ARMC2: variants seen among roughly 807,000 people sequenced by gnomAD.
ARMC2 encodes armadillo repeat-containing protein 2.
A neutral mutation model predicts 90.3 loss-of-function variants in ARMC2; 67 were observed. The observed-to-expected ratio is 0.74, with a 90% CI of 0.61 to 0.91. The LOEUF (loss-of-function observed/expected upper bound fraction) is 0.91. Among genes scored for constraint, ARMC2 ranks in the 40% least tolerant of loss-of-function variants. The pLI is 0.00. For missense variants in ARMC2, 920 were observed against 1,030.9 expected, an observed-to-expected ratio of 0.89 and a Z score of 1.47; for synonymous variants, 393 against 393.0, an observed-to-expected ratio of 1.00 and a Z score of 0.00.
the ARMC2 span, chr6:109,000,365 G>A: frequency 1.6e-6 from 1 of 619,556 alleles, no homozygotes; most frequent in African/African-American, 1.9e-5. Flanking sequence ...ATGTGCATCT[G>A]TGGGAAGAGA....
chr6:108,888,544 C>T (rs1266816871), intron 5 of ARMC2, among the ~76,000 whole-genome samples: 3 of 152,194 alleles, frequency 2.0e-5, no homozygotes, highest in African/African-American at 7.2e-5. Context: ...ATTAGTAGAA[C>T]GAAGACCAAT....
At chr6:108,957,112 T>C (rs2128508087) in intron 13 of ARMC2, among the ~76,000 whole-genome samples, 1 of 152,364 alleles carries the variant, frequency 6.6e-6, no homozygotes, top group African/African-American at 2.4e-5. Context: ...AACCCTGCTC[T>C]CCTGTGATGG....
At chr6:109,019,780 A>C in the ARMC2 span, among the ~76,000 whole-genome samples, 1 of 152,248 alleles carries the variant, frequency 6.6e-6, no homozygotes, top group South Asian at 2.1e-4. Flanking sequence ...CAGGTTTTAA[A>C]ATAATGCATT....
rs542183253 is a variant in ARMC2, at chr6:108,973,581, C to T, written c.*67C>T. ...CTCATTCTTAAGAACTGGTAACAAA[C>T]GTGAACATTTTTTTCAGCATTAACA... On this transcript the variant is annotated 3_prime_UTR_variant, in exon 18 of 18. Transcript: ENST00000392644. 2.0e-4 allele frequency: 286 copies of T among 1,410,086 alleles called. 3 individuals are homozygous for T. In the African/African-American group the frequency reaches 3.6e-3, roughly 18 times the overall value. The allele number at this position is 1,410,086 out of a possible 1,614,324, so 87.3% of individuals were successfully genotyped here. A position where few individuals can be genotyped will look rare whatever the true frequency, so the allele number is the denominator to read the frequency against.
At position 108,973,460 on chromosome 6, in the gene ARMC2, C is replaced by T. The variant is rs199687592; in HGVS notation, c.2550C>T (p.Asn850=). 9.3e-6 allele frequency: 15 copies of T among 1,613,720 alleles called. No homozygotes were observed. The highest frequency in any genetic ancestry group is 1.3e-5 in the Non-Finnish European group (15 of 1,179,794). ...EFKPVAQQLL[N]RIQRHHTFLE... is the part of the protein sequence containing the mutation. ...AACCTGTGGCACAGCAGCTTCTAAA[C>T]CGAATTCAGAGACATCACACCTTCC... is the stretch of plus-strand genomic sequence containing the variant. The change falls in exon 18 of 18, where the codon AAC becomes AAT. Residue 850 remains asparagine, a synonymous_variant. Coordinates refer to ENST00000392644, the MANE Select transcript of ARMC2 (RefSeq NM_032131.6).
At chr6:108,997,089 T>C in the ARMC2 span, among the ~76,000 whole-genome samples, 3 of 152,148 alleles carry the variant, frequency 2.0e-5, no homozygotes, top group Non-Finnish European at 2.9e-5. Context: ...CTGAGTCAGA[T>C]ACTGGATATG....
At chr6:109,006,047 T>C in the ARMC2 span, among the ~76,000 whole-genome samples, 13 of 152,192 alleles carry the variant, frequency 8.5e-5, no homozygotes, top group African/African-American at 3.1e-4. Flanking sequence ...AAAAAGCAAC[T>C]AGGGCTCATG....
intron 2 of ARMC2, among the ~76,000 whole-genome samples, chr6:108,855,957 T>G (rs189073925): frequency 1.1e-3 from 160 of 152,356 alleles, no homozygotes; most frequent in African/African-American, 3.6e-3. Context: ...TAACAATTCA[T>G]TATCTTACAT....
At chr6:109,009,566 G>A in the ARMC2 span, 1 of 1,108,988 alleles carries the variant, frequency 9.0e-7, no homozygotes, top group Non-Finnish European at 1.1e-6. Flanking sequence ...GGGGGGGCGG[G>A]GCGGCGCCGA....
At chr6:108,863,340 C>T (rs912657758) in intron 3 of ARMC2, among the ~76,000 whole-genome samples, 3 of 152,274 alleles carry the variant, frequency 2.0e-5, no homozygotes, top group Admixed American at 2.0e-4. Flanking sequence ...ACCTTGGCCT[C>T]CTAGAGTGCT....
chr6:108,849,341 A>C (rs975131139), intron 1 of ARMC2, among the ~76,000 whole-genome samples: 3 of 152,176 alleles, frequency 2.0e-5, no homozygotes. Context: ...GGCATAGCTG[A>C]TATTCAATAA....
intron 6 of ARMC2, among the ~76,000 whole-genome samples, chr6:108,895,379 G>A (rs2128458109): frequency 6.6e-6 from 1 of 150,900 alleles, no homozygotes; most frequent in South Asian, 2.1e-4. Context: ...AACTACTTGG[G>A]AGGCTGAGGC....
the ARMC2 span, among the ~76,000 whole-genome samples, chr6:109,039,690 C>T: frequency 2.4e-4 from 36 of 152,294 alleles, 1 homozygote; most frequent in African/African-American, 6.5e-4. Flanking sequence ...ACCCAAATGG[C>T]GAAATGAGTT....
At chr6:108,930,472 T>G (rs1389910116) in intron 11 of ARMC2, among the ~76,000 whole-genome samples, 3 of 152,176 alleles carry the variant, frequency 2.0e-5, no homozygotes, top group Non-Finnish European at 4.4e-5. Context: ...GGAAATATTT[T>G]CATGGTTTCA....
intron 5 of ARMC2, among the ~76,000 whole-genome samples, chr6:108,888,021 G>A (rs958123399): frequency 1.3e-5 from 2 of 152,280 alleles, no homozygotes; most frequent in South Asian, 2.1e-4. Context: ...CCACCAAACC[G>A]CTAATGTCAT....
intron 5 of ARMC2, among the ~76,000 whole-genome samples, chr6:108,887,678 G>C (rs1282839613): frequency 6.6e-6 from 1 of 152,190 alleles, no homozygotes; most frequent in Admixed American, 6.5e-5. Context: ...TGTCGATCAA[G>C]ATATCATAAA....
chr6:108,944,790 TG>T (rs143916287), intron 12 of ARMC2, among the ~76,000 whole-genome samples: 2,474 of 152,232 alleles, frequency 0.016, 74 homozygotes, highest in African/African-American at 0.058. Flanking sequence ...TCCATCTGTA[TG>T]TGATGGTTAT....
At chr6:108,933,775 C>T (rs945395453) in intron 11 of ARMC2, among the ~76,000 whole-genome samples, 2 of 152,206 alleles carry the variant, frequency 1.3e-5, no homozygotes, top group East Asian at 1.9e-4. Context: ...CAGCTTTTGC[C>T]CATTTAGTAT....
chr6:109,027,224 G>A, the ARMC2 span, among the ~76,000 whole-genome samples: 1 of 151,936 alleles, frequency 6.6e-6, no homozygotes, highest in Non-Finnish European at 1.5e-5. Context: ...TGTAATCCCA[G>A]CACTTTGGGT....
Sources: gnomAD v4.1 joint callset for allele counts (sites outside exome capture counted in the v4.1 genomes callset) on GRCh38, gnomAD v4.1.1 for gene constraint, MANE v1.5 for transcripts, NCBI Gene and HGNC (gene_info 2026-07-23, HGNC 2026-07-21) for gene names.